AQP9: variants seen among roughly 807,000 people sequenced by gnomAD.
AQP9 encodes the protein aquaporin-9.
In AQP9, 19 loss-of-function variants were observed where a neutral mutation model predicts 23.8. The ratio of observed to expected loss-of-function variants is 0.80; its 90% confidence interval spans 0.56 to 1.17. The LOEUF is 1.17. Ranked by LOEUF, AQP9 falls within the 50% of genes most tolerant of loss-of-function variation. The probability of loss-of-function intolerance (pLI) is 0.00; values close to 1 mark genes in which losing one functional copy is unlikely to be tolerated. For missense variants in AQP9, 413 were observed against 362.0 expected, an observed-to-expected ratio of 1.14 and a Z score of -1.14; for synonymous variants, 153 against 131.5, an observed-to-expected ratio of 1.16 and a Z score of -1.12.
At position 58,184,163 on chromosome 15, in the gene AQP9, C is replaced by G; in HGVS notation, c.*28C>G. ...GCATGCTCAGCTCTGGATTTGCAGT[C>G]AGTTTGGGATTCTCTTCAGAAAGAT... On this transcript the variant is annotated 3_prime_UTR_variant, in exon 6 of 6. Coordinates refer to ENST00000219919, the MANE Select transcript of AQP9 (RefSeq NM_020980.5). 6.2e-7 allele frequency: 1 copy of G among 1,605,492 alleles called. No individual in the cohort carries two copies. Among genetic ancestry groups the G allele is most frequent in the Non-Finnish European group, 8.5e-7 (1 of 1,174,320 alleles).
intron 3 of AQP9, among the ~76,000 whole-genome samples, chr15:58,174,531 G>C (rs1172520615): frequency 1.3e-5 from 2 of 152,172 alleles, no homozygotes; most frequent in African/African-American, 4.8e-5. Context: ...AAATTCTGGA[G>C]TGGTATTAGG....
intron 1 of AQP9, among the ~76,000 whole-genome samples, chr15:58,164,423 A>C (rs1203242152): frequency 6.6e-6 from 1 of 152,210 alleles, no homozygotes. Context: ...TACTACTAAA[A>C]TGTCAGTTCA....
chr15:58,144,459 A>C (rs78525707), intron 1 of AQP9, among the ~76,000 whole-genome samples: 3,980 of 152,306 alleles, frequency 0.026, 168 homozygotes, highest in African/African-American at 0.091. Flanking sequence ...TAGACTATTC[A>C]GTGCCATTGA....
Position 58,174,920 on chromosome 15 carries a change from G to A in AQP9, c.379G>A (p.Gly127Arg), listed in dbSNP as rs760583398. The change falls in exon 4 of 6, where the codon GGA becomes AGA. Residue 127 changes from glycine to arginine, a missense_variant and splice_region_variant. By Grantham distance (125) the Gly-to-Arg change is moderately radical (BLOSUM62 -2). Coordinates refer to ENST00000219919, the MANE Select transcript of AQP9 (RefSeq NM_020980.5). The stretch of plus-strand genomic sequence containing the variant: ...TGCCAGAGCTTTCTCTTTCATAGAT[G>A]GACTTATGTCCTTTGCTGGTGGAAA... ...AATVFGIYYD[G>R]LMSFAGGKLL... 9 of 1,613,558 alleles carry A rather than the reference G, an allele frequency of 5.6e-6. No individual in the cohort carries two copies. Among genetic ancestry groups the A allele is most frequent in the South Asian group, 2.2e-5 (2 of 91,068 alleles).
At chr15:58,175,084 C>T (rs1160875747) in intron 4 of AQP9, 48 bp downstream of exon 4, 6 of 1,465,918 alleles carry the variant, frequency 4.1e-6, no homozygotes, top group Non-Finnish European at 5.7e-6. Flanking sequence ...AAGATATGCT[C>T]TCATAAGGGG....
intron 3 of AQP9, among the ~76,000 whole-genome samples, chr15:58,174,509 T>G (rs2140627493): frequency 6.6e-6 from 1 of 152,288 alleles, no homozygotes; most frequent in Non-Finnish European, 1.5e-5. Flanking sequence ...TTCAGTATAC[T>G]GCAACACCCT....
At chr15:58,176,702 C>A (rs1467241625) in intron 4 of AQP9, among the ~76,000 whole-genome samples, 2 of 151,668 alleles carry the variant, frequency 1.3e-5, no homozygotes, top group East Asian at 3.9e-4. Flanking sequence ...CCTCCACCTC[C>A]CAGGTTCAAG....
chr15:58,176,855 T>C (rs1213194293), intron 4 of AQP9, among the ~76,000 whole-genome samples: 1 of 152,106 alleles, frequency 6.6e-6, no homozygotes, highest in African/African-American at 2.4e-5. Flanking sequence ...ATAATCCGCC[T>C]GCCTAAGCCT....
chr15:58,185,045 AT>A lies in AQP9; in HGVS notation c.*911del, dbSNP rs1200099303. On this transcript the variant is annotated 3_prime_UTR_variant, in exon 6 of 6. Coordinates refer to ENST00000219919, the MANE Select transcript of AQP9 (RefSeq NM_020980.5). ...AGAAGCCAAAACTGAAAGCCACTGG[AT>A]CCTGGTCTAGCTGAATCTTCAGAGT... is the stretch of plus-strand genomic sequence containing the variant. 1 of 152,216 alleles carries A rather than the reference AT, an allele frequency of 6.6e-6. No individual in the cohort carries two copies. Among genetic ancestry groups the A allele is most frequent in the African/African-American group, 2.4e-5 (1 of 41,452 alleles). 9.4% of individuals were successfully genotyped at this position (152,216 alleles called of 1,614,324 possible).
chr15:58,142,245 G>A (rs1416309699), intron 1 of AQP9, among the ~76,000 whole-genome samples: 1 of 152,190 alleles, frequency 6.6e-6, no homozygotes, highest in Non-Finnish European at 1.5e-5. Flanking sequence ...GCGATCAACT[G>A]CATTTTGCCA....
At chr15:58,165,882 G>T (rs1898490498) in intron 1 of AQP9, among the ~76,000 whole-genome samples, 1 of 152,208 alleles carries the variant, frequency 6.6e-6, no homozygotes, top group Non-Finnish European at 1.5e-5. Flanking sequence ...GGGAATACAA[G>T]AAGCAGTGAG....
At chr15:58,144,561 AC>A (rs1456617410) in intron 1 of AQP9, among the ~76,000 whole-genome samples, 1 of 152,112 alleles carries the variant, frequency 6.6e-6, no homozygotes, top group African/African-American at 2.4e-5. Context: ...TACTTTTATT[AC>A]CAAGGTTATA....
intron 2 of AQP9, 85 bp downstream of exon 2, chr15:58,166,884 T>G (rs1566987367): frequency 6.9e-7 from 1 of 1,449,728 alleles, no homozygotes; most frequent in African/African-American, 1.4e-5. Flanking sequence ...CATACCTTAA[T>G]TTACTTATAT....
intron 1 of AQP9, chr15:58,163,867 A>G (rs566316054): frequency 6.6e-6 from 1 of 152,346 alleles, no homozygotes; most frequent in South Asian, 2.1e-4. Context: ...CCCATGATAT[A>G]TTAGAATGCC....
chr15:58,160,442 T>C (rs1333236038), intron 1 of AQP9, among the ~76,000 whole-genome samples: 2 of 152,184 alleles, frequency 1.3e-5, no homozygotes, highest in African/African-American at 4.8e-5. Flanking sequence ...CTAAATTTTT[T>C]ATCTTTTCCT....
chr15:58,155,124 C>T (rs1317831974), intron 1 of AQP9: 1 of 152,300 alleles, frequency 6.6e-6, no homozygotes, highest in Non-Finnish European at 1.5e-5. Context: ...CCATACACTA[C>T]ACATCAGATC....
chr15:58,159,268 C>A (rs2140606875), intron 1 of AQP9, among the ~76,000 whole-genome samples: 1 of 152,172 alleles, frequency 6.6e-6, no homozygotes, highest in South Asian at 2.1e-4. Context: ...TCATATCCTA[C>A]CCCCAAATTA....
At chr15:58,142,298 C>A (rs73426141) in intron 1 of AQP9, among the ~76,000 whole-genome samples, 1,566 of 152,310 alleles carry the variant, frequency 0.01, 30 homozygotes, top group African/African-American at 0.036. Flanking sequence ...CTTATCAGCC[C>A]TTGAATGAAA....
chr15:58,138,438 G>T lies in AQP9; in HGVS notation c.-128G>T. 1.5e-6 allele frequency: 1 copy of T among 679,704 alleles called. No individual in the cohort carries two copies. The highest frequency in any genetic ancestry group is 2.5e-6 in the Non-Finnish European group (1 of 394,664). The allele number at this position is 679,704 out of a possible 1,614,324, so 42.1% of individuals were successfully genotyped here. ...TTGGAACGGCATTTGTACAGTCAGAGACTCTTACCAGACATCTCCAGGAAT... is the reference window on the plus strand; with the variant it reads ...TTGGAACGGCATTTGTACAGTCAGATACTCTTACCAGACATCTCCAGGAAT... On this transcript the variant is annotated 5_prime_UTR_variant, in exon 1 of 6. Coordinates refer to ENST00000219919, the MANE Select transcript of AQP9 (RefSeq NM_020980.5).
Sources: allele counts gnomAD v4.1 joint callset (sites outside exome capture counted in the v4.1 genomes callset), GRCh38; gene constraint gnomAD v4.1.1; transcripts MANE v1.5; gene names NCBI Gene and HGNC (gene_info 2026-07-23, HGNC 2026-07-21).